Variants in AHDC1 observed in about 807,000 individuals in gnomAD.
AHDC1 encodes the protein transcription factor Gibbin.
In AHDC1, 7 loss-of-function variants were observed where a neutral mutation model predicts 87.9. That is an observed-to-expected ratio of 0.08 (90% CI 0.05 to 0.15). AHDC1 has a LOEUF of 0.15. Ranked by LOEUF, AHDC1 falls within the 10% of genes least tolerant of loss-of-function variation. The pLI, the probability that AHDC1 is intolerant of heterozygous loss-of-function variation, is 1.00. For missense variants in AHDC1, 1,841 were observed against 2,253.2 expected (o/e 0.82, Z 3.70); for synonymous variants, 1,051 against 1,006.8 (o/e 1.04, Z -0.83).
intron 8 of AHDC1, among the ~76,000 whole-genome samples, chr1:27,543,209 G>A (rs1007779116): frequency 2.0e-5 from 3 of 152,218 alleles, no homozygotes; most frequent in African/African-American, 7.2e-5. Context: ...GGAGGGGAGA[G>A]GGACTCGAGA....
rs765136490 is a variant in AHDC1 at position 27,550,843 on chromosome 1, C to A, written c.1273G>T (p.Ala425Ser). Residue 425 changes from alanine to serine, a missense_variant, in exon 8 of 9, where the codon GCC becomes TCC. Around this residue, in one of 13 missense-constraint regions of AHDC1, gnomAD observed 370 missense variants for 391.5 expected, o/e 0.95. Transcript: ENST00000673934. ...GGTGGTGGTGGGGGTTCGGCCAGGG[C>A]AGCCACCAGCCCCGTGGGCATAGGC... ...PLPMPTGLVA[A>S]LAEPPPPPPP... The A allele has an allele frequency of 2.7e-5, 42 of 1,568,736 alleles. No individual in the cohort carries two copies. Among genetic ancestry groups the A allele is most frequent in the Non-Finnish European group, 3.5e-5 (41 of 1,160,198 alleles).
At position 27,547,813 on chromosome 1, in the gene AHDC1, C is replaced by T. The variant is rs2019259259; in HGVS notation, c.4303G>A (p.Gly1435Ser). The T allele has an allele frequency of 6.4e-7, 1 of 1,552,978 alleles. No individual in the cohort carries two copies. The highest frequency in any genetic ancestry group is 8.7e-7 in the Non-Finnish European group (1 of 1,147,734). Residue 1435 changes from glycine (G) to serine (S), a missense_variant, in exon 8 of 9, where the codon GGC becomes AGC. Gly to Ser is a moderately conservative substitution (Grantham distance 56, BLOSUM62 0). This residue lies in a region of AHDC1 where 505 missense variants were observed against 626.2 expected (regional missense o/e 0.81). Coordinates refer to ENST00000673934, the MANE Select transcript of AHDC1 (RefSeq NM_001371928.1). This position sits in a 1 kb window ranked among gnomAD's most constrained non-coding sequence, Gnocchi z 4.9. Reference sequence around the variant, plus strand: ...TGGGCCTGGGCTGCAGCTGCGTGGCCCAGGCTGGCCCCCTGGAGTCCATGC... The same window carrying T: ...TGGGCCTGGGCTGCAGCTGCGTGGCTCAGGCTGGCCCCCTGGAGTCCATGC... Reference protein sequence around the residue: ...LKHGLQGASLGHAAAAQAHLS... With the variant: ...LKHGLQGASLSHAAAAQAHLS...
chr1:27,537,982 A>G (rs2018722003), intron 8 of AHDC1, among the ~76,000 whole-genome samples: 1 of 152,200 alleles, frequency 6.6e-6, no homozygotes, highest in Admixed American at 6.5e-5. Flanking sequence ...CATTTAAGTG[A>G]ACAGCAAACA....
intron 8 of AHDC1, among the ~76,000 whole-genome samples, chr1:27,536,219 C>G (rs1268033648): frequency 6.6e-6 from 1 of 152,238 alleles, no homozygotes; most frequent in African/African-American, 2.4e-5. Flanking sequence ...CTGCTGTCTG[C>G]TGGGCAGTCA....
At position 27,549,073 on chromosome 1, in the gene AHDC1, C is replaced by A. The variant is rs1039583400; in HGVS notation, c.3043G>T (p.Ala1015Ser). 1 of 1,563,414 alleles carries A rather than the reference C, an allele frequency of 6.4e-7. No homozygotes were observed. The highest frequency in any genetic ancestry group is 1.9e-5 in the Admixed American group (1 of 53,228). ...GNSLPASPSS[A>S]HSAGYAPPPT... ...GGTGGGGCATAGCCGGCGCTGTGGG[C>A]GCTGCTGGGTGAGGCAGGGAGGCTG... is the stretch of plus-strand genomic sequence containing the variant. Residue 1015 changes from alanine to serine, a missense_variant, in exon 8 of 9, where the codon GCC becomes TCC. Ala to Ser is a moderately conservative substitution (Grantham distance 99). This residue lies in a region of AHDC1 where 378 missense variants were observed against 399.0 expected (regional missense o/e 0.95). Coordinates refer to ENST00000673934, the MANE Select transcript of AHDC1 (RefSeq NM_001371928.1).
chr1:27,581,930 A>T (rs1198004189), intron 3 of AHDC1, among the ~76,000 whole-genome samples: 1 of 151,458 alleles, frequency 6.6e-6, no homozygotes, highest in African/African-American at 2.4e-5. Flanking sequence ...CCACACACTC[A>T]CTCCGTTCTG....
At chr1:27,575,261 A>C (rs1332750347) in intron 3 of AHDC1, among the ~76,000 whole-genome samples, 1 of 151,898 alleles carries the variant, frequency 6.6e-6, no homozygotes, top group African/African-American at 2.4e-5. Context: ...AGATGAGGCC[A>C]CAGAGTTTCT....
chr1:27,541,001 T>TAAAAAAAAAA (rs55912405), intron 8 of AHDC1, among the ~76,000 whole-genome samples: 278 of 72,240 alleles, frequency 3.8e-3, no homozygotes, highest in Middle Eastern at 9.4e-3. Flanking sequence ...CTAAAAATGC[T>TAAAAAAAAAA]AAAAAAAAAA....
Position 27,551,081 on chromosome 1 carries a change from A to G in AHDC1, c.1035T>C (p.Gly345=), listed in dbSNP as rs767154108. 15 of 1,563,794 alleles carry G rather than the reference A, an allele frequency of 9.6e-6. No individual in the cohort carries two copies. The South Asian group carries it at 1.6e-4, about 17-fold the overall frequency. Reference sequence around the variant, plus strand: ...GGGGCTGCTGGGGCTCCAGACGGCGACCTGGGACGTCAAGCAGCTTGGGCA... The same window carrying G: ...GGGGCTGCTGGGGCTCCAGACGGCGGCCTGGGACGTCAAGCAGCTTGGGCA... ...DPLPKLLDVP[G]RRLEPQQPLG... is the part of the protein sequence containing the mutation. The change falls in exon 8 of 9, where the codon GGT becomes GGC. Residue 345 remains glycine (G), a synonymous_variant. Coordinates refer to ENST00000673934, the MANE Select transcript of AHDC1 (RefSeq NM_001371928.1).
In AHDC1 at chr1:27,558,482, G is replaced by T; in HGVS notation, c.-402C>A. On this transcript the variant is annotated 5_prime_UTR_variant, in exon 5 of 9. The change creates a new upstream start codon in the 5' untranslated region. Coordinates refer to ENST00000673934, the MANE Select transcript of AHDC1 (RefSeq NM_001371928.1). The surrounding 1 kb of genome is among the most constrained non-coding windows in gnomAD (Gnocchi z 5.6). ...ATCAAGGCGCAGGGAAGAGTCCTCA[G>T]GCTAGGAGGTAGGACTCACTGTATA... The T allele has an allele frequency of 3.0e-6, 1 of 333,340 alleles. No individual in the cohort carries two copies. Among genetic ancestry groups the T allele is most frequent in the Non-Finnish European group, 5.4e-6 (1 of 184,772 alleles). The allele number at this position is 333,340 out of a possible 1,614,324, so 20.6% of individuals were successfully genotyped here. A position where few individuals can be genotyped will look rare whatever the true frequency, so the allele number is the denominator to read the frequency against.
chr1:27,579,680 G>A (rs1403914898), intron 3 of AHDC1, among the ~76,000 whole-genome samples: 3 of 152,172 alleles, frequency 2.0e-5, no homozygotes, highest in African/African-American at 4.8e-5. Flanking sequence ...TCCATGGCCT[G>A]TTGTCTGTTT....
At position 27,550,112 on chromosome 1, in the gene AHDC1, A is replaced by C; in HGVS notation, c.2004T>G (p.Arg668=). The part of the protein sequence containing the change: ...FLHRVQGFRR[R]GGKAGGFGGR... ...CACCAAAACCGCCTGCTTTGCCCCC[A>C]CGCCGCCGGAAGCCCTGCACACGAT... Residue 668 remains arginine (R), a synonymous_variant, in exon 8 of 9, where the codon CGT becomes CGG. Coordinates refer to ENST00000673934, the MANE Select transcript of AHDC1 (RefSeq NM_001371928.1). 6.2e-7 allele frequency: 1 copy of C among 1,609,962 alleles called. No individual in the cohort carries two copies. The highest frequency in any genetic ancestry group is 1.7e-5 in the Admixed American group (1 of 60,004).
rs2020280742 is a variant in AHDC1 at position 27,565,537 on chromosome 1, G to T, written c.-628-6654C>A. Among the ~76,000 whole-genome samples the T allele has an allele frequency of 6.6e-6, 1 of 152,206 alleles. No individual in the cohort carries two copies. Among genetic ancestry groups the T allele is most frequent in the African/African-American group, 2.4e-5 (1 of 41,446 alleles). On this transcript the variant is annotated intron_variant, in intron 3 of 8. Coordinates refer to ENST00000673934, the MANE Select transcript of AHDC1 (RefSeq NM_001371928.1). The surrounding 1 kb of genome is among the most constrained non-coding windows in gnomAD (Gnocchi z 4.6). ...GGACCCTGATTCCACCCATGCCCTG[G>T]ACAAACATTCTGTCTGGTGTCCCCC...
intron 3 of AHDC1, among the ~76,000 whole-genome samples, chr1:27,567,763 C>T (rs1022739838): frequency 6.6e-6 from 1 of 152,218 alleles, no homozygotes; most frequent in Non-Finnish European, 1.5e-5. Context: ...GCCCCTTTGG[C>T]TTGCAAAAGC....
At chr1:27,589,771 C>T (rs2089171541) in intron 3 of AHDC1, among the ~76,000 whole-genome samples, 2 of 152,234 alleles carry the variant, frequency 1.3e-5, no homozygotes, top group South Asian at 2.1e-4. Context: ...CTCTGTGACA[C>T]GTGGAATAAA....
In AHDC1 at chr1:27,560,012, T is replaced by C. The variant is rs1253255255; in HGVS notation, c.-628-1129A>G. Reference sequence around the variant, plus strand: ...CTGTTCGTGTGCTTCTCTGTATTTCTGTACGTCTGTGTGGGTACATGTGGG... The same window carrying C: ...CTGTTCGTGTGCTTCTCTGTATTTCCGTACGTCTGTGTGGGTACATGTGGG... On this transcript the variant is annotated intron_variant, in intron 3 of 8. Transcript: ENST00000673934. The surrounding 1 kb of genome is among the most constrained non-coding windows in gnomAD (Gnocchi z 4.1). 1.3e-5 allele frequency among the ~76,000 whole-genome samples: 2 copies of C among 152,266 alleles called. No individual in the cohort carries two copies. The highest frequency in any genetic ancestry group is 2.9e-5 in the Non-Finnish European group (2 of 68,046).
In AHDC1 at chr1:27,550,882, G is replaced by T; in HGVS notation, c.1234C>A (p.Arg412Ser). 6.3e-7 allele frequency: 1 copy of T among 1,583,658 alleles called. No homozygotes were observed. The highest frequency in any genetic ancestry group is 8.5e-7 in the Non-Finnish European group (1 of 1,170,160). ...GTGGGCATAGGCAGGGGCAGTAGGC[G>T]GCCCTCGGGTCCGGCGTCTGCCTTG... is the stretch of plus-strand genomic sequence containing the variant. ...GRKADAGPEG[R>S]LLPLPMPTGL... The change falls in exon 8 of 9, where the codon CGC becomes AGC. Residue 412 changes from arginine (R) to serine (S), a missense_variant. Arg to Ser is a moderately radical substitution (Grantham distance 110). Transcript: ENST00000673934.
chr1:27,569,784 G>A (rs969359836), intron 3 of AHDC1, among the ~76,000 whole-genome samples: 2 of 152,026 alleles, frequency 1.3e-5, no homozygotes, highest in African/African-American at 4.8e-5. Flanking sequence ...TGGTTGGGGC[G>A]CCTGGCCTGT....
intron 3 of AHDC1, among the ~76,000 whole-genome samples, chr1:27,573,274 C>A (rs575074493): frequency 2.6e-5 from 4 of 152,186 alleles, no homozygotes; most frequent in Admixed American, 1.3e-4. Context: ...AATCCAACCT[C>A]CTTCGCTATG....
Sources: allele counts gnomAD v4.1 joint callset (sites outside exome capture counted in the v4.1 genomes callset), GRCh38; gene constraint gnomAD v4.1.1; regional missense constraint gnomAD v4.1.1; non-coding constraint Gnocchi (gnomAD v3.1); transcripts MANE v1.5; gene names NCBI Gene and HGNC (gene_info 2026-07-23, HGNC 2026-07-21).